The following RBFOX1 variants were observed in gnomAD, a reference collection of about 807,000 sequenced individuals.
RBFOX1 encodes the protein RNA binding protein fox-1 homolog 1.
A neutral mutation model predicts 57.7 loss-of-function variants in RBFOX1; 8 were observed. That is an observed-to-expected ratio of 0.14 (90% confidence interval 0.08 to 0.25). The LOEUF is 0.25. RBFOX1 is among the 10% of genes least tolerant of loss of function. The pLI, the probability that RBFOX1 is intolerant of heterozygous loss-of-function variation, is 1.00. For synonymous variants in RBFOX1, 326 were observed against 222.4 expected (o/e 1.47, Z -4.15); for missense variants, 611 against 548.5 (o/e 1.11, Z -1.14).
intron 2 of RBFOX1, among the ~76,000 whole-genome samples, chr16:6,418,893 C>T (rs900522618): frequency 6.6e-6 from 1 of 152,094 alleles, no homozygotes; most frequent in African/African-American, 2.4e-5. Context: ...ACCTGAAAGT[C>T]AGAAAGGTCC....
rs1272533665 is a variant in RBFOX1 at position 5,961,610 on chromosome 16, C to A, written c.351+94275C>A. Among the ~76,000 whole-genome samples, 9 of 152,196 alleles carry A rather than the reference C, an allele frequency of 5.9e-5. 1 individual carries two copies. Among genetic ancestry groups the A allele is most frequent in the Admixed American group, 5.9e-4 (9 of 15,266 alleles). The stretch of plus-strand genomic sequence containing the variant: ...TCATGGCTCACTGCAGCCTCAACCT[C>A]CCCAGTTCAAACAATCCTCCCACCT... On this transcript the variant is annotated intron_variant, in intron 4 of 19. Coordinates refer to the RBFOX1 transcript ENST00000641259.
chr16:5,598,233 A>AT (rs1555476780), intron 2 of RBFOX1, among the ~76,000 whole-genome samples: 26 of 151,724 alleles, frequency 1.7e-4, no homozygotes, highest in Admixed American at 2.6e-4. Context: ...CAAAAAAAAA[A>AT]AAATAAATAA....
intron 4 of RBFOX1, among the ~76,000 whole-genome samples, chr16:7,274,212 T>C (rs1368638624): frequency 6.6e-6 from 1 of 152,212 alleles, no homozygotes; most frequent in Non-Finnish European, 1.5e-5. Context: ...TAAAATTAGC[T>C]AATGTTTATT....
intron 4 of RBFOX1, among the ~76,000 whole-genome samples, chr16:7,351,707 C>A (rs919814902): frequency 5.3e-5 from 8 of 152,254 alleles, no homozygotes; most frequent in Middle Eastern, 3.4e-3. Context: ...GTACTTTACT[C>A]TCCCATGCCC....
intron 2 of RBFOX1, among the ~76,000 whole-genome samples, chr16:6,392,994 C>G (rs111828707): frequency 6.8e-4 from 103 of 152,284 alleles, no homozygotes; most frequent in African/African-American, 2.4e-3. Context: ...CTAAATCAGA[C>G]AAGGAACTCC....
At chr16:6,375,952 T>G (rs1400562424) in intron 2 of RBFOX1, among the ~76,000 whole-genome samples, 1 of 152,192 alleles carries the variant, frequency 6.6e-6, no homozygotes, top group African/African-American at 2.4e-5. Flanking sequence ...GAACTTGGAT[T>G]ACTCTTTGGA....
At chr16:7,559,904 T>A (rs943425124) in intron 5 of RBFOX1, among the ~76,000 whole-genome samples, 4 of 152,224 alleles carry the variant, frequency 2.6e-5, no homozygotes, top group Non-Finnish European at 4.4e-5. Context: ...TAGTTGTCTT[T>A]GGTCAACTGT....
At chr16:7,287,249 A>G (rs938122390) in intron 4 of RBFOX1, among the ~76,000 whole-genome samples, 2 of 152,246 alleles carry the variant, frequency 1.3e-5, no homozygotes, top group Admixed American at 6.5e-5. Flanking sequence ...AGCAGTCCTC[A>G]TAATAAAAAT....
intron 1 of RBFOX1, among the ~76,000 whole-genome samples, chr16:5,250,462 C>T (rs1024543474): frequency 1.3e-5 from 2 of 152,184 alleles, no homozygotes; most frequent in African/African-American, 4.8e-5. Context: ...ATGTTGTTCC[C>T]CTCTCTGTGT....
intron 2 of RBFOX1, among the ~76,000 whole-genome samples, chr16:6,548,645 G>C (rs1292976679): frequency 6.6e-6 from 1 of 152,194 alleles, no homozygotes; most frequent in Non-Finnish European, 1.5e-5. Context: ...ATAGAACTGG[G>C]AAGCACACGG....
intron 3 of RBFOX1, among the ~76,000 whole-genome samples, chr16:6,882,195 G>A (rs775368092): frequency 6.6e-6 from 1 of 152,002 alleles, no homozygotes; most frequent in Non-Finnish European, 1.5e-5. Flanking sequence ...TGGCCCCTTT[G>A]GTCCAGCAAC....
chr16:6,255,722 A>G (rs1279956896), intron 1 of RBFOX1, among the ~76,000 whole-genome samples: 2 of 152,130 alleles, frequency 1.3e-5, no homozygotes, highest in African/African-American at 2.4e-5. Flanking sequence ...TAAAAAAAGA[A>G]TGAGTTCATG....
chr16:6,454,656 A>G (rs982788952), intron 2 of RBFOX1, among the ~76,000 whole-genome samples: 3 of 152,152 alleles, frequency 2.0e-5, no homozygotes, highest in African/African-American at 7.2e-5. Flanking sequence ...TAAAACCAGC[A>G]CTTCACCTAC....
intron 2 of RBFOX1, among the ~76,000 whole-genome samples, chr16:6,625,705 T>C (rs1342976273): frequency 6.6e-6 from 1 of 152,092 alleles, no homozygotes; most frequent in Non-Finnish European, 1.5e-5. Context: ...CCAATTAATG[T>C]AATCTTGTTT....
At chr16:5,635,216 A>G (rs1050045752) in intron 3 of RBFOX1, among the ~76,000 whole-genome samples, 3 of 152,228 alleles carry the variant, frequency 2.0e-5, no homozygotes, top group African/African-American at 2.4e-5. Flanking sequence ...ATGGTCAGCC[A>G]TCTGACAAAA....
At chr16:5,264,619 C>T (rs2062813916) in intron 1 of RBFOX1, among the ~76,000 whole-genome samples, 1 of 151,994 alleles carries the variant, frequency 6.6e-6, no homozygotes, top group Non-Finnish European at 1.5e-5. Flanking sequence ...TATGAAATGC[C>T]ATGGGGTAGA....
chr16:6,602,747 GC>G (rs5815333), intron 2 of RBFOX1, among the ~76,000 whole-genome samples: 43,988 of 151,954 alleles, frequency 0.29, 6,608 homozygotes, highest in African/African-American at 0.37. Flanking sequence ...TCCACTTGCT[GC>G]TTTATCCCTT....
chr16:7,012,879 C>T (rs987518987), intron 3 of RBFOX1, among the ~76,000 whole-genome samples: 1 of 152,100 alleles, frequency 6.6e-6, no homozygotes, highest in Non-Finnish European at 1.5e-5. Context: ...TTTCCCATAG[C>T]TGGGGAGGCT....
At chr16:7,708,764 C>G (rs1960509409) in intron 14 of RBFOX1, among the ~76,000 whole-genome samples, 1 of 152,134 alleles carries the variant, frequency 6.6e-6, no homozygotes, top group South Asian at 2.1e-4. Context: ...AAGGCAGCTA[C>G]TTGAGCAGTG....
Sources: allele counts gnomAD v4.1 joint callset (sites outside exome capture counted in the v4.1 genomes callset), GRCh38; gene constraint gnomAD v4.1.1; transcripts MANE v1.5; gene names NCBI Gene and HGNC (gene_info 2026-07-23, HGNC 2026-07-21).